Variants in DMKN observed in about 807,000 individuals in gnomAD.
DMKN encodes the protein epidermis-specific secreted protein SK30/SK89.
A neutral mutation model predicts 67.6 loss-of-function variants in DMKN; 58 were observed. The observed-to-expected ratio is 0.86, with a 90% confidence interval of 0.69 to 1.07. DMKN has a LOEUF of 1.07. Ranked by LOEUF, DMKN falls within the 50% of genes least tolerant of loss-of-function variation. The probability of loss-of-function intolerance (pLI) is 0.00; values close to 1 mark genes in which losing one functional copy is unlikely to be tolerated. For synonymous variants in DMKN, 240 were observed against 232.3 expected, an observed-to-expected ratio of 1.03 and a Z score of -0.30; for missense variants, 596 against 601.5, an observed-to-expected ratio of 0.99 and a Z score of 0.10.
At chr19:35,507,585 G>C in intron 7 of DMKN, 1 of 1,326,704 alleles carries the variant, frequency 7.5e-7, no homozygotes, top group Non-Finnish European at 1.1e-6. Flanking sequence ...AAGGAAGCAG[G>C]GTGTCGGCGA....
intron 13 of DMKN, 171 bp from the exon 14 acceptor site, chr19:35,499,068 C>G (rs774726109): frequency 2.7e-5 from 24 of 885,484 alleles, no homozygotes; most frequent in Non-Finnish European, 4.2e-5. Context: ...TTTCACAGCA[C>G]GTTTATCATC....
intron 12 of DMKN, 190 bp downstream of exon 12, chr19:35,500,343 G>A (rs1319365914): frequency 6.5e-7 from 1 of 1,548,946 alleles, no homozygotes; most frequent in African/African-American, 1.4e-5. Context: ...GAAGTGCCAG[G>A]ACGTAACCCA....
chr19:35,499,126 G>A (rs1369511440), intron 13 of DMKN: 10 of 637,472 alleles, frequency 1.6e-5, no homozygotes, highest in Admixed American at 5.7e-5. Flanking sequence ...TCCTGGGCAC[G>A]TACTGACCAA....
intron 11 of DMKN, chr19:35,501,765 A>C: frequency 1.3e-6 from 2 of 1,485,890 alleles, no homozygotes; most frequent in Non-Finnish European, 1.8e-6. Flanking sequence ...GCCGCAGCCT[A>C]GGCCCCTTCT....
rs780503669 is a variant in DMKN at position 35,505,963 on chromosome 19, C to T, written c.1062G>A (p.Met354Ile). Residue 354 changes from methionine (M) to isoleucine (I), a missense_variant, in exon 8 of 16, where the codon ATG becomes ATA. Coordinates refer to ENST00000339686, the MANE Select transcript of DMKN (RefSeq NM_033317.5). ...GIQNSETSPG[M>I]FNFDTFWKNF... The stretch of plus-strand genomic sequence containing the variant: ...CCTTCCAGAAAGTGTCAAAGTTAAA[C>T]ATCCCAGGAGACGTCTCAGAGTTCT... The T allele has an allele frequency of 3.1e-6, 5 of 1,614,052 alleles. No individual in the cohort carries two copies. Among genetic ancestry groups the T allele is most frequent in the Non-Finnish European group, 4.2e-6 (5 of 1,180,040 alleles).
At chr19:35,499,562 G>A (rs933128932) in intron 13 of DMKN, among the ~76,000 whole-genome samples, 3 of 152,010 alleles carry the variant, frequency 2.0e-5, no homozygotes, top group Admixed American at 6.6e-5. Context: ...TGCTTTCCTC[G>A]CCCTCCATTC....
intron 7 of DMKN, 147 bp from the exon 8 acceptor site, chr19:35,506,133 T>C (rs750641596): frequency 6.3e-7 from 1 of 1,575,406 alleles, no homozygotes. Context: ...CACCACAGTA[T>C]TGACTCCACC....
intron 13 of DMKN, among the ~76,000 whole-genome samples, chr19:35,499,632 G>A (rs1212783530): frequency 2.0e-5 from 3 of 152,142 alleles, no homozygotes; most frequent in South Asian, 4.1e-4. Context: ...AGCTGCTTGC[G>A]TGTTTTGCAG....
At chr19:35,509,185 C>T (rs924463386) in intron 7 of DMKN, among the ~76,000 whole-genome samples, 27 of 152,208 alleles carry the variant, frequency 1.8e-4, no homozygotes, top group African/African-American at 6.3e-4. Context: ...CGCACCACTG[C>T]CCTCCAGCCT....
chr19:35,502,257 G>T (rs1055095833), intron 10 of DMKN, 74 bp from the exon 11 acceptor site: 6 of 1,471,630 alleles, frequency 4.1e-6, no homozygotes, highest in Middle Eastern at 1.9e-4. Flanking sequence ...AAATTGGGGG[G>T]ATTCCAGATC....
chr19:35,503,391 C>T, intron 9 of DMKN: 1 of 1,551,316 alleles, frequency 6.4e-7, no homozygotes. Context: ...TGGGGGCTCC[C>T]ATCCAATCTG....
chr19:35,498,370 GTTTGTTTTGT>G (rs1336984101), intron 15 of DMKN: 21 of 272,434 alleles, frequency 7.7e-5, no homozygotes, highest in African/African-American at 4.5e-4. Flanking sequence ...TTTTGTTTTG[GTTTGTTTTGT>G]TTTGTTCTTT....
chr19:35,508,813 C>G (rs552540692), intron 7 of DMKN, among the ~76,000 whole-genome samples: 1 of 152,264 alleles, frequency 6.6e-6, no homozygotes, highest in South Asian at 2.1e-4. Flanking sequence ...CAGGAGTATG[C>G]ATAGTGCTAG....
At position 35,509,946 on chromosome 19, in the gene DMKN, T is replaced by C. The variant is rs2070403318; in HGVS notation, c.1003A>G (p.Asn335Asp). The change falls in exon 7 of 16, where the codon AAT becomes GAT. Residue 335 changes from asparagine to aspartate, a missense_variant. By Grantham distance (23) the Asn-to-Asp change is conservative. Coordinates refer to ENST00000339686, the MANE Select transcript of DMKN (RefSeq NM_033317.5). ...GHKPGCEKPGNEARGSGESGI... is the reference protein window; with the variant it reads ...GHKPGCEKPGDEARGSGESGI... ...GATTCCCCGCTCCCGCGGGCTTCAT[T>C]CCCTGGCTTTTCACACTGCCGGGGA... is the stretch of plus-strand genomic sequence containing the variant. 6.2e-7 allele frequency: 1 copy of C among 1,614,114 alleles called. No homozygotes were observed. Among genetic ancestry groups the C allele is most frequent in the East Asian group, 2.2e-5 (1 of 44,858 alleles).
chr19:35,501,935 G>A lies in DMKN; in HGVS notation c.1239+201C>T, dbSNP rs201727491. On this transcript the variant is annotated intron_variant, in intron 11 of 15. Coordinates refer to ENST00000339686, the MANE Select transcript of DMKN (RefSeq NM_033317.5). The stretch of plus-strand genomic sequence containing the variant: ...GTGGAGGCCCCAGCCCTCGGCCTCG[G>A]CTTTTATGCTAGGGAGGTCCTCCCA... The A allele has an allele frequency of 4.5e-3, 6,986 of 1,558,646 alleles. 20 individuals carry two copies. The highest frequency in any genetic ancestry group is 5.6e-3 in the Non-Finnish European group (6,465 of 1,151,152).
intron 9 of DMKN, among the ~76,000 whole-genome samples, chr19:35,505,044 G>A (rs930880061): frequency 4.0e-5 from 6 of 151,536 alleles, no homozygotes; most frequent in Non-Finnish European, 8.8e-5. Flanking sequence ...AAAAAATAGA[G>A]TGTCTCAAAA....
At chr19:35,508,254 CAAAG>C (rs1241153437) in intron 7 of DMKN, 1 of 1,552,028 alleles carries the variant, frequency 6.4e-7, no homozygotes, top group Non-Finnish European at 8.7e-7. Context: ...CAGGGTGAGA[CAAAG>C]AAACACAGAC....
At chr19:35,506,578 G>A (rs1383917838) in intron 7 of DMKN, 1 of 472,440 alleles carries the variant, frequency 2.1e-6, no homozygotes, top group Non-Finnish European at 4.2e-6. Context: ...ATGGAAAGCT[G>A]TACAGTAACT....
At chr19:35,500,362 A>G (rs2068145325) in intron 12 of DMKN, 171 bp downstream of exon 12, 1 of 1,551,528 alleles carries the variant, frequency 6.4e-7, no homozygotes, top group Non-Finnish European at 8.7e-7. Context: ...CAGCGGGTCC[A>G]TGGTAGATGT....
Sources: gnomAD v4.1 joint callset for allele counts (sites outside exome capture counted in the v4.1 genomes callset) on GRCh38, gnomAD v4.1.1 for gene constraint, MANE v1.5 for transcripts, NCBI Gene and HGNC (gene_info 2026-07-23, HGNC 2026-07-21) for gene names.